CARMIL1: variants seen among roughly 807,000 people sequenced by gnomAD.
CARMIL1 encodes the protein capping protein regulator and myosin 1 linker 1.
In CARMIL1, 90 loss-of-function variants were observed where a neutral mutation model predicts 177.1. That is an observed-to-expected ratio of 0.51 (90% CI 0.43 to 0.61). CARMIL1 has a LOEUF of 0.61. Among genes scored for constraint, CARMIL1 ranks in the 20% least tolerant of loss-of-function variants. CARMIL1 has a pLI of 0.00. For missense variants in CARMIL1, 1,380 were observed against 1,667.0 expected, an observed-to-expected ratio of 0.83 and a Z score of 3.00; for synonymous variants, 577 against 606.2, an observed-to-expected ratio of 0.95 and a Z score of 0.71.
chr6:25,401,792 C>A (rs1305901238), intron 2 of CARMIL1, among the ~76,000 whole-genome samples: 2 of 152,212 alleles, frequency 1.3e-5, no homozygotes, highest in Non-Finnish European at 2.9e-5. Flanking sequence ...TCGATCCTAA[C>A]TAAACCACCT....
intron 15 of CARMIL1, among the ~76,000 whole-genome samples, chr6:25,494,700 C>A (rs1445478417): frequency 6.6e-6 from 1 of 152,178 alleles, no homozygotes; most frequent in African/African-American, 2.4e-5. Context: ...GCATGTGAAA[C>A]CTGCTACATC....
chr6:25,505,416 T>C (rs1804812796), intron 17 of CARMIL1, among the ~76,000 whole-genome samples: 1 of 152,206 alleles, frequency 6.6e-6, no homozygotes, highest in East Asian at 1.9e-4. Context: ...TATTCCCATG[T>C]ACCCAAGTAT....
At chr6:25,576,894 C>CTGGG in intron 29 of CARMIL1, 16 of 512,860 alleles carry the variant, frequency 3.1e-5, no homozygotes, top group Middle Eastern at 9.6e-4. Flanking sequence ...AATGGTATCC[C>CTGGG]TCTCCCTCCC....
intron 2 of CARMIL1, among the ~76,000 whole-genome samples, chr6:25,379,680 T>A (rs1236622082): frequency 6.6e-6 from 1 of 152,174 alleles, no homozygotes; most frequent in East Asian, 1.9e-4. Context: ...GTGAAATGCC[T>A]TTGATCTCTT....
chr6:25,482,941 A>C (rs921326029), intron 12 of CARMIL1, among the ~76,000 whole-genome samples: 3 of 152,152 alleles, frequency 2.0e-5, no homozygotes, highest in Non-Finnish European at 4.4e-5. Context: ...GTATCTTCAC[A>C]TTTTGCCCTG....
At position 25,577,611 on chromosome 6, in the gene CARMIL1, TA is replaced by T. The variant is rs959287730; in HGVS notation, c.2743-3304del. On this transcript the variant is annotated intron_variant, in intron 29 of 36. Coordinates refer to ENST00000329474, the MANE Select transcript of CARMIL1 (RefSeq NM_017640.6). The surrounding 1 kb of genome is among the most constrained non-coding windows in gnomAD (Gnocchi z 4.5). ...TTAAGCAACTTGACTCTCATTTTTT[TA>T]AAAAAAAAGTATGTCTAGGAATTAC... 2.6e-5 allele frequency among the ~76,000 whole-genome samples: 4 copies of T among 151,578 alleles called. No homozygotes were observed. Among genetic ancestry groups the T allele is most frequent in the Admixed American group, 6.6e-5 (1 of 15,226 alleles).
intron 5 of CARMIL1, among the ~76,000 whole-genome samples, chr6:25,447,746 A>C (rs996041654): frequency 6.6e-6 from 1 of 151,434 alleles, no homozygotes; most frequent in African/African-American, 2.4e-5. Context: ...ACAGCCTTTC[A>C]CTTCCTCTCC....
intron 2 of CARMIL1, among the ~76,000 whole-genome samples, chr6:25,379,704 T>A (rs1203013927): frequency 6.6e-6 from 1 of 152,202 alleles, no homozygotes. Flanking sequence ...ATTGCCTTCC[T>A]TGAGTCTCCT....
chr6:25,381,119 CACTT>C (rs1791484694), intron 2 of CARMIL1, among the ~76,000 whole-genome samples: 1 of 152,164 alleles, frequency 6.6e-6, no homozygotes, highest in South Asian at 2.1e-4. Flanking sequence ...TTAAAATTTT[CACTT>C]AGTCACCTTA....
intron 2 of CARMIL1, among the ~76,000 whole-genome samples, chr6:25,390,021 AG>A (rs1792591786): frequency 6.6e-6 from 1 of 152,156 alleles, no homozygotes; most frequent in African/African-American, 2.4e-5. Flanking sequence ...ACATTGCAAA[AG>A]TGAAGTATTG....
intron 31 of CARMIL1, among the ~76,000 whole-genome samples, chr6:25,582,149 T>A (rs1010008066): frequency 6.6e-6 from 1 of 152,212 alleles, no homozygotes; most frequent in African/African-American, 2.4e-5. Flanking sequence ...CTTCTATATC[T>A]ACCTACCCTT....
At chr6:25,485,868 C>T (rs557143106) in intron 12 of CARMIL1, among the ~76,000 whole-genome samples, 1 of 151,852 alleles carries the variant, frequency 6.6e-6, no homozygotes, top group Admixed American at 6.5e-5. Context: ...ACTGGAGTTA[C>T]ATTGCAGTGT....
At chr6:25,566,126 C>T (rs994837372) in intron 29 of CARMIL1, among the ~76,000 whole-genome samples, 2 of 152,198 alleles carry the variant, frequency 1.3e-5, no homozygotes, top group Non-Finnish European at 1.5e-5. Flanking sequence ...CTTGTCTGGA[C>T]TCTTGAAACA....
chr6:25,612,380 G>A (rs1426396789), intron 36 of CARMIL1: 2 of 152,158 alleles, frequency 1.3e-5, no homozygotes, highest in East Asian at 3.8e-4. Flanking sequence ...GGACTAGCAT[G>A]CCCAACTAAT....
At chr6:25,599,235 A>G (rs994248966) in intron 32 of CARMIL1, among the ~76,000 whole-genome samples, 1 of 152,296 alleles carries the variant, frequency 6.6e-6, no homozygotes, top group South Asian at 2.1e-4. Flanking sequence ...GCGTCTCCTC[A>G]TTCTGGAGCC....
chr6:25,591,566 A>G (rs1814306510), intron 31 of CARMIL1, among the ~76,000 whole-genome samples: 1 of 152,206 alleles, frequency 6.6e-6, no homozygotes, highest in Non-Finnish European at 1.5e-5. Context: ...AGAACTTCTG[A>G]TAACTGTTTG....
chr6:25,497,950 G>A (rs1249902252), intron 16 of CARMIL1, among the ~76,000 whole-genome samples: 1 of 152,176 alleles, frequency 6.6e-6, no homozygotes, highest in Non-Finnish European at 1.5e-5. Flanking sequence ...GGGGTTTAGA[G>A]AACATGGTGA....
intron 4 of CARMIL1, among the ~76,000 whole-genome samples, chr6:25,435,117 C>T (rs115173806): frequency 0.012 from 1,785 of 152,266 alleles, 52 homozygotes; most frequent in African/African-American, 0.039. Flanking sequence ...CAGTCTCTAT[C>T]ATATGGGAGT....
intron 23 of CARMIL1, among the ~76,000 whole-genome samples, chr6:25,524,429 C>T (rs1203485820): frequency 1.3e-5 from 2 of 152,166 alleles, no homozygotes; most frequent in Non-Finnish European, 2.9e-5. Flanking sequence ...AAAGCAAGGA[C>T]ACTAGAGGAA....
Sources: gnomAD v4.1 joint callset for allele counts (sites outside exome capture counted in the v4.1 genomes callset) on GRCh38, gnomAD v4.1.1 for gene constraint, Gnocchi (gnomAD v3.1) non-coding constraint, MANE v1.5 for transcripts, NCBI Gene and HGNC (gene_info 2026-07-23, HGNC 2026-07-21) for gene names.